The following GSE1 variants were observed in gnomAD, a reference collection of about 807,000 sequenced individuals.
GSE1 encodes the protein Gse1 coiled-coil protein.
In GSE1, 32 loss-of-function variants were observed where a neutral mutation model predicts 112.6. The observed-to-expected ratio is 0.28, with a 90% CI of 0.21 to 0.38. The LOEUF (loss-of-function observed/expected upper bound fraction) is 0.38, where lower values mean the gene tolerates loss of function less well. GSE1 is among the 10% of genes least tolerant of loss of function. The pLI is 1.00. For synonymous variants in GSE1, 1,115 were observed against 735.6 expected, an observed-to-expected ratio of 1.52 and a Z score of -8.35; for missense variants, 2,348 against 1,699.2, an observed-to-expected ratio of 1.38 and a Z score of -6.71.
chr16:85,402,257 C>T (rs1303908370), intron 2 of GSE1, among the ~76,000 whole-genome samples: 2 of 152,156 alleles, frequency 1.3e-5, no homozygotes, highest in African/African-American at 4.8e-5. Context: ...GCCTGTCCAC[C>T]GGGCCACCGT....
intron 13 of GSE1, chr16:85,666,672 A>G: frequency 3.2e-6 from 1 of 309,920 alleles, no homozygotes; most frequent in Non-Finnish European, 6.0e-6. Flanking sequence ...GATTCCCCAA[A>G]GGCAGGAAGA....
intron 1 of GSE1, among the ~76,000 whole-genome samples, chr16:85,219,189 T>G (rs947187920): frequency 6.6e-6 from 1 of 152,152 alleles, no homozygotes; most frequent in Non-Finnish European, 1.5e-5. Flanking sequence ...AATTTTTGTA[T>G]TTTTAGTAGA....
At chr16:85,652,545 A>AGGTGGCGGCGGC in intron 3 of GSE1, among the ~76,000 whole-genome samples, 1 of 150,954 alleles carries the variant, frequency 6.6e-6, no homozygotes, top group East Asian at 2.0e-4. Context: ...TGAAGATTCC[A>AGGTGGCGGCGGC]GGCGGCGGCG....
At chr16:85,616,607 T>G (rs967551603) in intron 1 of GSE1, among the ~76,000 whole-genome samples, 2 of 152,244 alleles carry the variant, frequency 1.3e-5, no homozygotes, top group East Asian at 3.9e-4. Context: ...CCGGGAGAGC[T>G]GTTTTTTTAA....
intron 1 of GSE1, among the ~76,000 whole-genome samples, chr16:85,591,004 C>T (rs891353871): frequency 6.6e-6 from 1 of 152,176 alleles, no homozygotes; most frequent in Non-Finnish European, 1.5e-5. Context: ...TCCTGGGGAG[C>T]AGGGCACAGG....
At chr16:85,279,489 C>T (rs1016362779) in intron 1 of GSE1, among the ~76,000 whole-genome samples, 2 of 123,544 alleles carry the variant, frequency 1.6e-5, no homozygotes, top group African/African-American at 2.6e-5. Flanking sequence ...TGCCTGTGTT[C>T]CCAGCCACTC....
chr16:85,515,223 C>T (rs535010995), intron 2 of GSE1, among the ~76,000 whole-genome samples: 1 of 152,296 alleles, frequency 6.6e-6, no homozygotes, highest in Admixed American at 6.5e-5. Context: ...CATCTGCGGG[C>T]ACCCGCCTCA....
At chr16:85,648,344 CG>C (rs1248478596) in intron 2 of GSE1, among the ~76,000 whole-genome samples, 2 of 151,990 alleles carry the variant, frequency 1.3e-5, no homozygotes, top group Non-Finnish European at 2.9e-5. Context: ...AGGGAGTGCC[CG>C]GGGTAGACTG....
At chr16:85,486,545 A>C (rs1451033588) in intron 2 of GSE1, among the ~76,000 whole-genome samples, 3 of 152,232 alleles carry the variant, frequency 2.0e-5, no homozygotes, top group African/African-American at 7.2e-5. Context: ...TCAGGATTCC[A>C]AACTGATAAG....
At chr16:85,260,013 G>A (rs2144096853) in intron 1 of GSE1, among the ~76,000 whole-genome samples, 1 of 152,332 alleles carries the variant, frequency 6.6e-6, no homozygotes, top group South Asian at 2.1e-4. Context: ...GGCTCCATCT[G>A]GCCAGCACTT....
chr16:85,190,073 G>A (rs916236044), intron 1 of GSE1, among the ~76,000 whole-genome samples: 5 of 152,126 alleles, frequency 3.3e-5, no homozygotes, highest in Non-Finnish European at 5.9e-5. Flanking sequence ...TGAAAACACC[G>A]GGACTGTTCC....
At position 85,196,789 on chromosome 16, in the gene GSE1, G is replaced by A. The variant is rs184903098; in HGVS notation, c.2283+24982G>A. 4.5e-4 allele frequency among the ~76,000 whole-genome samples: 69 copies of A among 152,250 alleles called. No individual in the cohort carries two copies. The East Asian group carries it at 0.013, about 29-fold the overall frequency. On this transcript the variant is annotated intron_variant, in intron 1 of 2. Coordinates refer to the GSE1 transcript ENST00000637419. ...AGACCGCATGTTTAGACGGGGCGGG[G>A]GGGCCTGCCGGAATTTTCATTCCCT...
chr16:85,561,245 AC>A (rs532718502), intron 1 of GSE1, among the ~76,000 whole-genome samples: 70 of 151,932 alleles, frequency 4.6e-4, no homozygotes, highest in African/African-American at 1.6e-3. Flanking sequence ...GGCTACTCTT[AC>A]CCCCCTTGAC....
intron 2 of GSE1, among the ~76,000 whole-genome samples, chr16:85,372,577 G>C (rs539379199): frequency 7.9e-5 from 12 of 151,952 alleles, no homozygotes; most frequent in African/African-American, 2.9e-4. Flanking sequence ...CTGCACGTGG[G>C]CTGGCTGCGA....
At chr16:85,497,600 A>G (rs2051223540) in intron 2 of GSE1, among the ~76,000 whole-genome samples, 1 of 152,192 alleles carries the variant, frequency 6.6e-6, no homozygotes, top group Non-Finnish European at 1.5e-5. Flanking sequence ...GCTGAAAGGG[A>G]CCAGGCCTCC....
At chr16:85,340,211 G>C (rs943500505) in intron 1 of GSE1, among the ~76,000 whole-genome samples, 4 of 152,156 alleles carry the variant, frequency 2.6e-5, no homozygotes, top group Admixed American at 2.0e-4. Context: ...TTAGCCGGGT[G>C]TGGTGGCGTG....
chr16:85,662,857 C>T (rs2052544445), intron 9 of GSE1, 124 bp from the exon 10 acceptor site: 4 of 676,128 alleles, frequency 5.9e-6, no homozygotes, highest in Admixed American at 2.4e-5. Flanking sequence ...AACTGGCCTT[C>T]AGGGTGTTCA....
At chr16:85,219,742 C>A (rs1011075615) in intron 1 of GSE1, among the ~76,000 whole-genome samples, 3 of 152,214 alleles carry the variant, frequency 2.0e-5, no homozygotes, top group Non-Finnish European at 1.5e-5. Flanking sequence ...TATTTGGAGC[C>A]CCTCCTTCCC....
chr16:85,498,373 A>G (rs1190710488), intron 2 of GSE1, among the ~76,000 whole-genome samples: 5 of 152,136 alleles, frequency 3.3e-5, no homozygotes, highest in Non-Finnish European at 5.9e-5. Context: ...AGATGAACAT[A>G]TACACACATA....
Sources: allele counts gnomAD v4.1 joint callset (sites outside exome capture counted in the v4.1 genomes callset), GRCh38; gene constraint gnomAD v4.1.1; transcripts MANE v1.5; gene names NCBI Gene and HGNC (gene_info 2026-07-23, HGNC 2026-07-21).